GPSM2: variants seen among roughly 807,000 people sequenced by gnomAD.
The protein encoded by GPSM2 is G protein-signaling modulator 2.
In GPSM2, 58 loss-of-function variants were observed where a neutral mutation model predicts 78.4. That is an observed-to-expected ratio of 0.74 (90% CI 0.60 to 0.92). GPSM2 has a LOEUF of 0.92. GPSM2 is among the 40% of genes least tolerant of loss of function. The pLI is 0.00. For missense variants in GPSM2, 700 were observed against 815.5 expected (o/e 0.86, Z 1.73); for synonymous variants, 224 against 280.2 (o/e 0.80, Z 2.00).
At position 108,897,466 on chromosome 1, in the gene GPSM2, TG is replaced by T; in HGVS notation, c.279-25del. 1.9e-6 allele frequency: 3 copies of T among 1,579,052 alleles called. No individual in the cohort carries two copies. The East Asian group carries it at 7.0e-5, about 37-fold the overall frequency. ...TGTATTTTAATACCATTTGGTTTTTTGTTTTTTGTTTTTTGTTTTTTTCAGG... is the reference window on the plus strand; with the variant it reads ...TGTATTTTAATACCATTTGGTTTTTTTTTTTTGTTTTTTGTTTTTTTCAGG... On this transcript the variant is annotated intron_variant, in intron 3 of 14. Transcript: ENST00000264126.
At position 108,918,682 on chromosome 1, in the gene GPSM2, C is replaced by T; in HGVS notation, c.1333C>T (p.Leu445Phe). 6.2e-7 allele frequency: 1 copy of T among 1,613,136 alleles called. No homozygotes were observed. Among genetic ancestry groups the T allele is most frequent in the South Asian group, 1.1e-5 (1 of 91,060 alleles). Residue 445 changes from leucine to phenylalanine, a missense_variant, in exon 12 of 15, where the codon CTC becomes TTC. Transcript: ENST00000264126. ...PLIAKPSAKLLFVNRLKGKKY... is the reference protein window; with the variant it reads ...PLIAKPSAKLFFVNRLKGKKY... ...TATTGCCAAACCTTCTGCAAAGCTA[C>T]TCTTTGTCAACAGACTGAAGGGGAA...
At chr1:108,921,479 AAT>A (rs1650707702) in intron 12 of GPSM2, among the ~76,000 whole-genome samples, 1 of 152,134 alleles carries the variant, frequency 6.6e-6, no homozygotes, top group South Asian at 2.1e-4. Context: ...CCTAGGCTTC[AAT>A]AGGTACCTGA....
At chr1:108,884,611 C>T (rs1330376978) in intron 1 of GPSM2, among the ~76,000 whole-genome samples, 6 of 152,134 alleles carry the variant, frequency 3.9e-5, no homozygotes, top group Non-Finnish European at 8.8e-5. Context: ...GTTTAGAAAT[C>T]ACCTTAGAGG....
chr1:108,899,070 T>C (rs1648600704), intron 7 of GPSM2, 76 bp downstream of exon 7: 2 of 902,446 alleles, frequency 2.2e-6, no homozygotes, highest in Non-Finnish European at 3.6e-6. Context: ...AGGTTTAAAA[T>C]CTGATTGTAG....
intron 11 of GPSM2, among the ~76,000 whole-genome samples, chr1:108,916,738 G>T (rs1337746172): frequency 1.3e-5 from 2 of 152,138 alleles, no homozygotes; most frequent in African/African-American, 4.8e-5. Context: ...TATCCTTAAT[G>T]TAAAATATGT....
rs1227812516 is a variant in GPSM2 at position 108,918,753 on chromosome 1, T to C, written c.1404T>C (p.Ser468=). 3.1e-6 allele frequency: 5 copies of C among 1,613,628 alleles called. No homozygotes were observed. Among genetic ancestry groups the C allele is most frequent in the Non-Finnish European group, 4.2e-6 (5 of 1,179,684 alleles). The change falls in exon 12 of 15, where the codon AGT becomes AGC. Residue 468 remains serine, a synonymous_variant. Transcript: ENST00000264126. ...CCACTAAAGTTCTCCAAGATGCCAG[T>C]AATTCTATTGACCACCGAATTCCAA... ...NSSTKVLQDA[S]NSIDHRIPNS...
chr1:108,884,984 T>G (rs963538295), intron 1 of GPSM2, among the ~76,000 whole-genome samples: 1 of 152,224 alleles, frequency 6.6e-6, no homozygotes, highest in Non-Finnish European at 1.5e-5. Context: ...AGCAATTTTG[T>G]TTTTAGATGC....
rs1651899291 is a variant in GPSM2 at position 108,931,242 on chromosome 1, A to AAAATT, written c.*1307_*1311dup. ...AACAGAAAACAGATGAAAACTCACA[A>AAAATT]AAATTAAATATGAAAGAAAGATGTC... On this transcript the variant is annotated 3_prime_UTR_variant, in exon 15 of 15. Coordinates refer to ENST00000264126, the MANE Select transcript of GPSM2 (RefSeq NM_013296.5). 2 of 1,419,144 alleles carry AAAATT rather than the reference A, an allele frequency of 1.4e-6. No homozygotes were observed. The highest frequency in any genetic ancestry group is 2.9e-5 in the African/African-American group (2 of 69,152). The allele number at this position is 1,419,144 out of a possible 1,614,324, so 87.9% of individuals were successfully genotyped here.
At chr1:108,902,050 CT>C (rs1224071379) in intron 8 of GPSM2, 105 bp downstream of exon 8, 4 of 799,418 alleles carry the variant, frequency 5.0e-6, no homozygotes, top group Non-Finnish European at 8.5e-6. Flanking sequence ...CTTAAAATCC[CT>C]TTTAAGGAAT....
chr1:108,928,847 A>G (rs839856), intron 14 of GPSM2, among the ~76,000 whole-genome samples: 67,864 of 151,914 alleles, frequency 0.45, 15,300 homozygotes, highest in African/African-American at 0.49. Flanking sequence ...AAAATTAGCC[A>G]GGTGTGGTGA....
Position 108,885,407 on chromosome 1 carries a change from C to T in GPSM2, c.-116C>T. On this transcript the variant is annotated 5_prime_UTR_variant, in exon 2 of 15. Coordinates refer to ENST00000264126, the MANE Select transcript of GPSM2 (RefSeq NM_013296.5). ...GAATCAGGAGCTTAGGATGTATTAA[C>T]ACCAACTCATTAATATACTAACCGG... The T allele has an allele frequency of 4.6e-6, 3 of 649,908 alleles. No homozygotes were observed. Among genetic ancestry groups the T allele is most frequent in the Non-Finnish European group, 8.2e-6 (3 of 364,954 alleles). The allele number at this position is 649,908 out of a possible 1,614,324, so 40.3% of individuals were successfully genotyped here. A position where few individuals can be genotyped will look rare whatever the true frequency, so the allele number is the denominator to read the frequency against.
chr1:108,925,122 C>T (rs902947903), intron 14 of GPSM2, among the ~76,000 whole-genome samples: 1 of 152,100 alleles, frequency 6.6e-6, no homozygotes, highest in Non-Finnish European at 1.5e-5. Flanking sequence ...GAAAGAGAAT[C>T]AAGGATGACT....
At chr1:108,926,987 CAAA>C (rs1651159539) in intron 14 of GPSM2, 1 of 152,206 alleles carries the variant, frequency 6.6e-6, no homozygotes, top group African/African-American at 2.4e-5. Flanking sequence ...AAAATCAACA[CAAA>C]AATCAGTTGT....
Position 108,904,256 on chromosome 1 carries a change from T to C in GPSM2, c.1192+2T>C, listed in dbSNP as rs978073719. 13 of 1,583,120 alleles carry C rather than the reference T, an allele frequency of 8.2e-6. No individual in the cohort carries two copies. Among genetic ancestry groups the C allele is most frequent in the Non-Finnish European group, 1.1e-5 (13 of 1,153,294 alleles). ...CTGAAATTGATAGCAGTTTGAATGG[T>C]AAGTAATAGGACTTTTAAAACCCAA... On this transcript the variant is annotated splice_donor_variant, in intron 10 of 14. Coordinates refer to ENST00000264126, the MANE Select transcript of GPSM2 (RefSeq NM_013296.5). LOFTEE classifies it high-confidence loss of function.
Position 108,901,931 on chromosome 1 carries a change from A to G in GPSM2, c.939A>G (p.Gln313=). ...DYHLKHLAIA[Q]ELNDRIGEGR... ...ATCTGAAGCACTTAGCAATTGCTCA[A>G]GAGCTGAATGATAGGTATGTTTTAC... Residue 313 remains glutamine (Q), a synonymous_variant, in exon 8 of 15, where the codon CAA becomes CAG. Transcript: ENST00000264126. 4 of 1,609,560 alleles carry G rather than the reference A, an allele frequency of 2.5e-6. No homozygotes were observed. The highest frequency in any genetic ancestry group is 3.4e-6 in the Non-Finnish European group (4 of 1,175,854).
At chr1:108,900,009 AT>A (rs971824616) in intron 7 of GPSM2, among the ~76,000 whole-genome samples, 5 of 152,180 alleles carry the variant, frequency 3.3e-5, no homozygotes, top group African/African-American at 4.8e-5. Context: ...AATTTCCTAT[AT>A]TTAAAGCCAA....
intron 12 of GPSM2, among the ~76,000 whole-genome samples, chr1:108,921,899 C>T (rs2101540543): frequency 6.6e-6 from 1 of 152,250 alleles, no homozygotes; most frequent in Non-Finnish European, 1.5e-5. Context: ...TTATATTCAT[C>T]ATTTCAGTTT....
Position 108,897,076 on chromosome 1 carries a change from C to T in GPSM2, c.269C>T (p.Thr90Ile). The T allele has an allele frequency of 6.3e-7, 1 of 1,596,342 alleles. No individual in the cohort carries two copies. The highest frequency in any genetic ancestry group is 8.6e-7 in the Non-Finnish European group (1 of 1,164,602). ...TTAGAATATCACCATCATGATTTAA[C>T]CCTTGCAAGGTAATTAATTTAAGCT... ...KALEYHHHDLTLARTIGDQLG... is the reference protein window; with the variant it reads ...KALEYHHHDLILARTIGDQLG... The change falls in exon 3 of 15, where the codon ACC becomes ATC. Residue 90 changes from threonine (T) to isoleucine (I), a missense_variant. Coordinates refer to ENST00000264126, the MANE Select transcript of GPSM2 (RefSeq NM_013296.5).
intron 1 of GPSM2, among the ~76,000 whole-genome samples, chr1:108,883,161 T>C (rs1257542569): frequency 6.6e-6 from 1 of 152,250 alleles, no homozygotes; most frequent in Non-Finnish European, 1.5e-5. Flanking sequence ...TCTTGCAGGC[T>C]AAACTTGTTA....
Sources: gnomAD v4.1 joint callset for allele counts (sites outside exome capture counted in the v4.1 genomes callset) on GRCh38, gnomAD v4.1.1 for gene constraint, MANE v1.5 for transcripts, NCBI Gene and HGNC (gene_info 2026-07-23, HGNC 2026-07-21) for gene names.